SRRM4: variants seen among roughly 807,000 people sequenced by gnomAD.
SRRM4 encodes the protein serine/arginine repetitive matrix 4, also known as serine/arginine repetitive matrix protein 4.
In SRRM4, 33 loss-of-function variants were observed where a neutral mutation model predicts 68.9. The ratio of observed to expected loss-of-function variants is 0.48; its 90% CI spans 0.36 to 0.64. The LOEUF (loss-of-function observed/expected upper bound fraction) is 0.64, where lower values mean the gene tolerates loss of function less well. SRRM4 is among the 30% of genes least tolerant of loss of function. The pLI, the probability that SRRM4 is intolerant of heterozygous loss-of-function variation, is 0.00. For missense variants in SRRM4, 817 were observed against 827.1 expected (o/e 0.99, Z 0.15); for synonymous variants, 318 against 318.8 (o/e 1.00, Z 0.03).
At chr12:119,147,741 A>T (rs1328071368) in intron 9 of SRRM4, among the ~76,000 whole-genome samples, 1 of 152,254 alleles carries the variant, frequency 6.6e-6, no homozygotes, top group Non-Finnish European at 1.5e-5. Flanking sequence ...CACACTCACT[A>T]GATGCAGTTT....
At chr12:119,145,251 C>T in intron 8 of SRRM4, 130 bp from the exon 9 acceptor site, 4 of 836,024 alleles carry the variant, frequency 4.8e-6, no homozygotes, top group Non-Finnish European at 5.3e-6. Flanking sequence ...TTTGGCGTCT[C>T]TTCTTTCTTC....
intron 1 of SRRM4, among the ~76,000 whole-genome samples, chr12:119,076,165 TGAC>T (rs1953914934): frequency 1.3e-5 from 2 of 152,096 alleles, no homozygotes; most frequent in African/African-American, 2.4e-5. Context: ...ATGATGATGA[TGAC>T]AATGATGATG....
At chr12:119,125,296 G>C (rs900557933) in intron 6 of SRRM4, 85 bp from the exon 7 acceptor site, 4 of 1,247,814 alleles carry the variant, frequency 3.2e-6, no homozygotes, top group East Asian at 5.1e-5. Context: ...AAGGAAAAAC[G>C]GGTGTCACAA....
intron 1 of SRRM4, among the ~76,000 whole-genome samples, chr12:119,053,169 T>C (rs541748011): frequency 6.8e-4 from 103 of 152,240 alleles, no homozygotes; most frequent in African/African-American, 2.5e-3. Context: ...GCTCAGAGCC[T>C]GGGGCGAGTA....
intron 1 of SRRM4, among the ~76,000 whole-genome samples, chr12:119,053,526 A>T (rs1480997792): frequency 6.6e-6 from 1 of 151,834 alleles, no homozygotes; most frequent in African/African-American, 2.4e-5. Context: ...AAGGTTTGTG[A>T]CTCTCTGTTT....
chr12:119,085,047 C>T (rs1953971263), intron 1 of SRRM4, among the ~76,000 whole-genome samples: 4 of 152,102 alleles, frequency 2.6e-5, no homozygotes, highest in Admixed American at 2.6e-4. Context: ...ATTACAGCTG[C>T]CCACCACCAC....
At chr12:119,112,224 G>A (rs1037644204) in intron 2 of SRRM4, among the ~76,000 whole-genome samples, 3 of 152,066 alleles carry the variant, frequency 2.0e-5, no homozygotes, top group Non-Finnish European at 4.4e-5. Context: ...GACCCTCTTA[G>A]AAATGCAAAT....
chr12:119,133,341 T>C (rs1339495327), intron 8 of SRRM4, among the ~76,000 whole-genome samples: 2 of 152,228 alleles, frequency 1.3e-5, no homozygotes, highest in African/African-American at 2.4e-5. Context: ...GTAGTGGTGA[T>C]AGTGGTAGCC....
chr12:119,070,450 G>C (rs1953871543), intron 1 of SRRM4, among the ~76,000 whole-genome samples: 1 of 152,100 alleles, frequency 6.6e-6, no homozygotes, highest in Admixed American at 6.5e-5. Flanking sequence ...ACTATATTCT[G>C]TGGAGCTATT....
At chr12:119,126,622 C>T (rs1219143414) in intron 7 of SRRM4, among the ~76,000 whole-genome samples, 1 of 152,164 alleles carries the variant, frequency 6.6e-6, no homozygotes, top group Non-Finnish European at 1.5e-5. Flanking sequence ...CCTGGACTCT[C>T]TCTATGCTAA....
intron 1 of SRRM4, among the ~76,000 whole-genome samples, chr12:119,015,259 C>T (rs1297876413): frequency 2.0e-5 from 3 of 152,164 alleles, no homozygotes; most frequent in Non-Finnish European, 4.4e-5. Context: ...GCCAGAATCC[C>T]TTTTTCTCCA....
At chr12:119,025,057 G>T (rs1177233541) in intron 1 of SRRM4, among the ~76,000 whole-genome samples, 1 of 152,164 alleles carries the variant, frequency 6.6e-6, no homozygotes, top group Non-Finnish European at 1.5e-5. Context: ...TTTGATGGAG[G>T]TTGGAAGAGT....
rs75050223 is a variant in SRRM4, at chr12:119,141,634, A to G, written c.772-3747A>G. On this transcript the variant is annotated intron_variant, in intron 8 of 12. Transcript: ENST00000267260. The stretch of plus-strand genomic sequence containing the variant: ...TAAATGAAGTCAGGCAGGCCCACAG[A>G]GGCTTTCAAAGGACCGGAGAGCAAA... Among the ~76,000 whole-genome samples, 1,411 of 152,274 alleles carry G rather than the reference A, an allele frequency of 9.3e-3. 24 individuals carry two copies. The highest frequency in any genetic ancestry group is 0.032 in the African/African-American group (1,335 of 41,550).
intron 4 of SRRM4, among the ~76,000 whole-genome samples, chr12:119,119,894 G>C (rs975554185): frequency 6.6e-6 from 1 of 151,968 alleles, no homozygotes; most frequent in Non-Finnish European, 1.5e-5. Flanking sequence ...ACAGTTTTGG[G>C]GGAGGATTGG....
chr12:119,009,284 G>A (rs755140408), intron 1 of SRRM4, among the ~76,000 whole-genome samples: 7 of 152,074 alleles, frequency 4.6e-5, no homozygotes, highest in Non-Finnish European at 8.8e-5. Context: ...GGAGAGTAGG[G>A]GAGAGAAAGA....
At chr12:119,100,425 G>C (rs1000088306) in intron 1 of SRRM4, among the ~76,000 whole-genome samples, 17 of 151,716 alleles carry the variant, frequency 1.1e-4, no homozygotes, top group African/African-American at 4.1e-4. Context: ...GGGAGTTCAA[G>C]GCTGCAGTGA....
At chr12:119,103,088 C>T (rs1276225419) in intron 2 of SRRM4, among the ~76,000 whole-genome samples, 1 of 148,584 alleles carries the variant, frequency 6.7e-6, no homozygotes, top group South Asian at 2.1e-4. Context: ...TACTGAAAAA[C>T]AAAAAAAAAA....
intron 1 of SRRM4, among the ~76,000 whole-genome samples, chr12:119,016,575 A>T (rs1474342134): frequency 6.6e-6 from 1 of 152,220 alleles, no homozygotes; most frequent in Admixed American, 6.5e-5. Flanking sequence ...TTTGTCTACC[A>T]GGAGACTCAA....
intron 1 of SRRM4, among the ~76,000 whole-genome samples, chr12:119,083,907 A>G (rs1953964238): frequency 6.6e-6 from 1 of 152,204 alleles, no homozygotes; most frequent in Non-Finnish European, 1.5e-5. Flanking sequence ...GGGAGAAGGC[A>G]TTTGAAGTGG....
Sources: allele counts gnomAD v4.1 joint callset (sites outside exome capture counted in the v4.1 genomes callset), GRCh38; gene constraint gnomAD v4.1.1; transcripts MANE v1.5; gene names NCBI Gene and HGNC (gene_info 2026-07-23, HGNC 2026-07-21).